Variants in HMGA2 observed in about 807,000 individuals in gnomAD.
HMGA2 encodes high mobility group AT-hook 2, also known as high mobility group protein HMGI-C.
A neutral mutation model predicts 19.1 loss-of-function variants in HMGA2; 8 were observed. The observed-to-expected ratio is 0.42, with a 90% CI of 0.25 to 0.76. The LOEUF (loss-of-function observed/expected upper bound fraction) is 0.76, where lower values mean the gene tolerates loss of function less well. Ranked by LOEUF, HMGA2 falls within the 30% of genes least tolerant of loss-of-function variation. The pLI, the probability that HMGA2 is intolerant of heterozygous loss-of-function variation, is 0.28. For missense variants in HMGA2, 109 were observed against 136.3 expected (o/e 0.80, Z 1.00); for synonymous variants, 60 against 48.8 (o/e 1.23, Z -0.96).
At chr12:65,843,306 C>T (rs752031458) in intron 3 of HMGA2, 9 of 214,760 alleles carry the variant, frequency 4.2e-5, no homozygotes, top group Non-Finnish European at 7.5e-5. Context: ...TATGCATTTC[C>T]ATTCCATTGC....
intron 3 of HMGA2, among the ~76,000 whole-genome samples, chr12:65,840,058 C>T (rs1166721189): frequency 1.3e-5 from 2 of 152,082 alleles, no homozygotes; most frequent in Non-Finnish European, 2.9e-5. Flanking sequence ...CATAAAGGAA[C>T]ATTCTTGTTA....
chr12:65,866,970 A>C (rs1447579843), intron 3 of HMGA2: 1 of 456,622 alleles, frequency 2.2e-6, no homozygotes, highest in East Asian at 7.0e-5. Context: ...AGAGAGAGAG[A>C]TTGAGAGATT....
In HMGA2 at chr12:65,961,511, G is replaced by A. The variant is rs142747377; in HGVS notation, c.283-1734G>A. Among the ~76,000 whole-genome samples, 464 of 152,256 alleles carry A rather than the reference G, an allele frequency of 3.0e-3. 1 individual carries two copies. The highest frequency in any genetic ancestry group is 4.9e-3 in the Non-Finnish European group (334 of 68,018). ...AGTTAAAGGGGAGGTAGCCTCATAC[G>A]TTCCACTTTTCCCACAAAACCCAAA... On this transcript the variant is annotated intron_variant, in intron 4 of 4. Transcript: ENST00000403681.
intron 3 of HMGA2, among the ~76,000 whole-genome samples, chr12:65,895,299 A>G (rs1229258985): frequency 6.6e-6 from 1 of 152,174 alleles, no homozygotes; most frequent in East Asian, 1.9e-4. Context: ...TTAGGGGCAC[A>G]TTGTGCAGAA....
At chr12:65,869,441 T>A (rs777501450) in intron 3 of HMGA2, among the ~76,000 whole-genome samples, 31 of 152,282 alleles carry the variant, frequency 2.0e-4, no homozygotes, top group Admixed American at 7.2e-4. Context: ...GCTCCCCTCT[T>A]GCTACCTGCT....
At chr12:65,888,640 T>G (rs1365733542) in intron 3 of HMGA2, among the ~76,000 whole-genome samples, 2 of 121,130 alleles carry the variant, frequency 1.7e-5, no homozygotes, top group Admixed American at 1.0e-4. Context: ...CTCTGCTCAC[T>G]GCAAGCTCCG....
intron 3 of HMGA2, among the ~76,000 whole-genome samples, chr12:65,937,387 C>G (rs962596348): frequency 1.3e-5 from 2 of 152,004 alleles, no homozygotes; most frequent in African/African-American, 4.8e-5. Context: ...GGGCAGCAGA[C>G]GGCCCCAAGC....
chr12:65,891,836 TTAAA>T (rs1471563922), intron 3 of HMGA2, among the ~76,000 whole-genome samples: 3 of 152,192 alleles, frequency 2.0e-5, no homozygotes, highest in African/African-American at 7.2e-5. Flanking sequence ...CTCAGGAGTA[TTAAA>T]TAAGAGCATG....
At chr12:65,842,011 C>G (rs929141524) in intron 3 of HMGA2, 86 of 1,102,666 alleles carry the variant, frequency 7.8e-5, no homozygotes, top group Non-Finnish European at 8.9e-5. Context: ...TTTTATCCCC[C>G]TAGTTTGAAC....
At chr12:65,857,784 T>G (rs1292601572) in intron 3 of HMGA2, 1 of 152,228 alleles carries the variant, frequency 6.6e-6, no homozygotes, top group Non-Finnish European at 1.5e-5. Context: ...TCCCTTTAAA[T>G]TAATGTCTTT....
chr12:65,916,757 G>A (rs947937355), intron 3 of HMGA2, among the ~76,000 whole-genome samples: 1 of 152,140 alleles, frequency 6.6e-6, no homozygotes, highest in Non-Finnish European at 1.5e-5. Flanking sequence ...GCTTGGGTCT[G>A]GGAAAATAAT....
chr12:65,890,199 A>G (rs1210159793), intron 3 of HMGA2, among the ~76,000 whole-genome samples: 1 of 152,192 alleles, frequency 6.6e-6, no homozygotes, highest in African/African-American at 2.4e-5. Context: ...ATTTAAGTAT[A>G]GTCATTTAAA....
At chr12:65,945,064 C>T (rs981254117) in intron 3 of HMGA2, among the ~76,000 whole-genome samples, 3 of 151,718 alleles carry the variant, frequency 2.0e-5, no homozygotes, top group Non-Finnish European at 4.4e-5. Flanking sequence ...CTTAACCTCC[C>T]CTGGAGCTCC....
intron 3 of HMGA2, among the ~76,000 whole-genome samples, chr12:65,923,156 AAAG>A (rs1217061488): frequency 2.0e-5 from 3 of 152,142 alleles, no homozygotes; most frequent in Non-Finnish European, 2.9e-5. Context: ...GTTGTGCCCC[AAAG>A]AAGGGCAGCG....
chr12:65,964,610 C>T lies in HMGA2; in HGVS notation c.*1318C>T. 4.7e-6 allele frequency: 1 copy of T among 214,008 alleles called. No homozygotes were observed. Among genetic ancestry groups the T allele is most frequent in the Non-Finnish European group, 9.4e-6 (1 of 105,884 alleles). The allele number at this position is 214,008 out of a possible 1,614,324, so 13.3% of individuals were successfully genotyped here. A position where few individuals can be genotyped will look rare whatever the true frequency, so the allele number is the denominator to read the frequency against. ...CTTATTACATGCTGCTATACACAAGCAATGCAAGAAAAAAACTTACTGGGT... is the reference window on the plus strand; with the variant it reads ...CTTATTACATGCTGCTATACACAAGTAATGCAAGAAAAAAACTTACTGGGT... On this transcript the variant is annotated 3_prime_UTR_variant, in exon 5 of 5. Coordinates refer to ENST00000403681, the MANE Select transcript of HMGA2 (RefSeq NM_003483.6).
intron 4 of HMGA2, among the ~76,000 whole-genome samples, chr12:65,960,239 A>ACCAACT (rs1272585989): frequency 2.6e-5 from 4 of 152,138 alleles, no homozygotes; most frequent in Non-Finnish European, 5.9e-5. Flanking sequence ...AGGGGTCCCT[A>ACCAACT]CCAACTCCTC....
At chr12:65,866,077 A>G (rs1001973139) in intron 3 of HMGA2, among the ~76,000 whole-genome samples, 2 of 152,180 alleles carry the variant, frequency 1.3e-5, no homozygotes, top group Non-Finnish European at 2.9e-5. Flanking sequence ...GTGGACCTCT[A>G]TATTAGAGAG....
At chr12:65,932,978 C>T (rs574739717) in intron 3 of HMGA2, among the ~76,000 whole-genome samples, 1 of 152,320 alleles carries the variant, frequency 6.6e-6, no homozygotes, top group East Asian at 1.9e-4. Context: ...TGGGCACATA[C>T]CACAGACACC....
At chr12:65,865,316 G>A (rs1872337688) in intron 3 of HMGA2, among the ~76,000 whole-genome samples, 1 of 152,228 alleles carries the variant, frequency 6.6e-6, no homozygotes, top group Middle Eastern at 3.4e-3. Context: ...GGGAGTCAGT[G>A]CCCCAACCCC....
Sources: allele counts gnomAD v4.1 joint callset (sites outside exome capture counted in the v4.1 genomes callset), GRCh38; gene constraint gnomAD v4.1.1; transcripts MANE v1.5; gene names NCBI Gene and HGNC (gene_info 2026-07-23, HGNC 2026-07-21).